The following ZFPM2 variants were observed in gnomAD, a reference collection of about 807,000 sequenced individuals.
ZFPM2 encodes zinc finger protein, FOG family member 2, also known as zinc finger protein ZFPM2.
Under a neutral mutation model 98.6 loss-of-function variants are expected in ZFPM2, and 20 were observed. The observed-to-expected ratio is 0.20, with a 90% confidence interval of 0.14 to 0.29. The LOEUF is 0.29. ZFPM2 is among the 10% of genes least tolerant of loss of function. The pLI, the probability that ZFPM2 is intolerant of heterozygous loss-of-function variation, is 1.00. For missense variants in ZFPM2, 1,310 were observed against 1,388.6 expected, an observed-to-expected ratio of 0.94 and a Z score of 0.90; for synonymous variants, 518 against 502.7, an observed-to-expected ratio of 1.03 and a Z score of -0.41.
At chr8:105,496,956 TG>T (rs1813481051) in intron 3 of ZFPM2, among the ~76,000 whole-genome samples, 1 of 105,834 alleles carries the variant, frequency 9.4e-6, no homozygotes, top group African/African-American at 3.5e-5. Flanking sequence ...CACTCCAGCC[TG>T]GGCAACAAGA....
chr8:105,490,469 T>G (rs2130429666), intron 3 of ZFPM2, among the ~76,000 whole-genome samples: 1 of 152,322 alleles, frequency 6.6e-6, no homozygotes. Flanking sequence ...TAATAGTCCT[T>G]TTTGTTTCTT....
chr8:105,691,505 C>T lies in ZFPM2; in HGVS notation c.532+57148C>T, dbSNP rs888070921. On this transcript the variant is annotated intron_variant, in intron 5 of 7. Transcript: ENST00000407775. Reference sequence around the variant, plus strand: ...CCTCATGATCCACCCGCCTCGGCCTCCCAAAGTGCTGGGATTACAGGCGTG... The same window carrying T: ...CCTCATGATCCACCCGCCTCGGCCTTCCAAAGTGCTGGGATTACAGGCGTG... Among the ~76,000 whole-genome samples the T allele has an allele frequency of 2.5e-5, 3 of 122,162 alleles. 1 individual carries two copies. The highest frequency in any genetic ancestry group is 2.6e-4 in the South Asian group (1 of 3,776). 80.1% of individuals were successfully genotyped at this position (122,162 alleles called of 152,430 possible).
In ZFPM2 at chr8:105,803,635, A is replaced by G; in HGVS notation, c.*97A>G. ...AAGCTGTTTGAATTACATCTGGGCA[A>G]TCAGGAGATAATTCATTATGGCTGA... On this transcript the variant is annotated 3_prime_UTR_variant, in exon 8 of 8. Coordinates refer to ENST00000407775, the MANE Select transcript of ZFPM2 (RefSeq NM_012082.4). 2 of 1,208,798 alleles carry G rather than the reference A, an allele frequency of 1.7e-6. No homozygotes were observed. Among genetic ancestry groups the G allele is most frequent in the East Asian group, 2.6e-5 (1 of 39,124 alleles). The allele number at this position is 1,208,798 out of a possible 1,614,324, so 74.9% of individuals were successfully genotyped here. A position where few individuals can be genotyped will look rare whatever the true frequency, so the allele number is the denominator to read the frequency against.
chr8:105,710,685 GT>G, intron 5 of ZFPM2, among the ~76,000 whole-genome samples: 2 of 151,150 alleles, frequency 1.3e-5, no homozygotes, highest in African/African-American at 4.9e-5. Context: ...GTGTGTGTGT[GT>G]GTGTGTGTGT....
chr8:105,642,249 G>A (rs1032420113), intron 5 of ZFPM2, among the ~76,000 whole-genome samples: 6 of 152,052 alleles, frequency 3.9e-5, no homozygotes, highest in African/African-American at 7.2e-5. Flanking sequence ...GGCAGAATAT[G>A]CGGCTTTGTG....
chr8:105,580,107 A>G (rs1258665655), intron 4 of ZFPM2, among the ~76,000 whole-genome samples: 2 of 151,950 alleles, frequency 1.3e-5, no homozygotes, highest in African/African-American at 2.4e-5. Flanking sequence ...ATTAGTGTGT[A>G]AGGATTTTCT....
chr8:105,612,199 T>C (rs1816321511), intron 4 of ZFPM2, among the ~76,000 whole-genome samples: 1 of 152,140 alleles, frequency 6.6e-6, no homozygotes, highest in Non-Finnish European at 1.5e-5. Context: ...TTCCCAGGGA[T>C]TTATAAACTA....
chr8:105,364,393 G>A (rs1393822365), intron 1 of ZFPM2, among the ~76,000 whole-genome samples: 1 of 151,908 alleles, frequency 6.6e-6, no homozygotes, highest in Non-Finnish European at 1.5e-5. Context: ...ATTAATTATG[G>A]TACTTTTTAT....
chr8:105,515,135 C>T lies in ZFPM2; in HGVS notation c.302-46228C>T, dbSNP rs1813893338. 2.6e-5 allele frequency among the ~76,000 whole-genome samples: 4 copies of T among 152,106 alleles called. No individual in the cohort carries two copies. In the South Asian group the frequency reaches 8.3e-4, roughly 31 times the overall value. ...ACAAAATCTCTTGAACTTTCTGTTA[C>T]AAGAAAAGTTAGAAAGTTACTGGAA... On this transcript the variant is annotated intron_variant, in intron 3 of 7. Transcript: ENST00000407775.
intron 5 of ZFPM2, among the ~76,000 whole-genome samples, chr8:105,722,959 G>T (rs941763321): frequency 1.2e-4 from 18 of 151,956 alleles, no homozygotes; most frequent in African/African-American, 4.3e-4. Flanking sequence ...AACCAAAGTG[G>T]TCTTGAATAA....
chr8:105,403,065 A>T (rs1262519234), intron 1 of ZFPM2, among the ~76,000 whole-genome samples: 1 of 151,952 alleles, frequency 6.6e-6, no homozygotes, highest in East Asian at 1.9e-4. Context: ...AGAAAGGTAG[A>T]CTGGGGGATA....
At chr8:105,450,116 A>G (rs968748135) in intron 3 of ZFPM2, among the ~76,000 whole-genome samples, 25 of 152,128 alleles carry the variant, frequency 1.6e-4, no homozygotes, top group Admixed American at 2.0e-4. Flanking sequence ...AAAATTGGTC[A>G]AGGTATCTGT....
chr8:105,379,333 T>A (rs1328244955), intron 1 of ZFPM2, among the ~76,000 whole-genome samples: 2 of 152,220 alleles, frequency 1.3e-5, no homozygotes, highest in African/African-American at 4.8e-5. Flanking sequence ...AAAAAAAACT[T>A]CATCAATAAT....
chr8:105,673,322 TAGTAAAC>T (rs1400501220), intron 5 of ZFPM2, among the ~76,000 whole-genome samples: 1 of 151,808 alleles, frequency 6.6e-6, no homozygotes, highest in African/African-American at 2.4e-5. Flanking sequence ...ATAAATTTCT[TAGTAAAC>T]AATTAAATTA....
chr8:105,611,539 C>T (rs745831828), intron 4 of ZFPM2, among the ~76,000 whole-genome samples: 61 of 151,872 alleles, frequency 4.0e-4, no homozygotes, highest in Non-Finnish European at 3.4e-4. Context: ...TGAAGAGGCT[C>T]AAAAACTCCA....
At chr8:105,620,153 GTAA>G (rs1816505751) in intron 4 of ZFPM2, among the ~76,000 whole-genome samples, 1 of 152,172 alleles carries the variant, frequency 6.6e-6, no homozygotes, top group Admixed American at 6.5e-5. Flanking sequence ...CACCAACAGT[GTAA>G]AAGTGTTCCT....
At chr8:105,454,923 A>T (rs1812558037) in intron 3 of ZFPM2, among the ~76,000 whole-genome samples, 1 of 152,180 alleles carries the variant, frequency 6.6e-6, no homozygotes, top group Non-Finnish European at 1.5e-5. Flanking sequence ...TCCTGGCATG[A>T]TAAAATGTCA....
intron 4 of ZFPM2, among the ~76,000 whole-genome samples, chr8:105,584,882 A>AAGGT (rs1815679324): frequency 6.6e-6 from 1 of 152,140 alleles, no homozygotes; most frequent in African/African-American, 2.4e-5. Flanking sequence ...TCTGTCTTTA[A>AAGGT]AGGTAGAACG....
intron 5 of ZFPM2, among the ~76,000 whole-genome samples, chr8:105,658,586 C>CAAA (rs773181953): frequency 3.8e-4 from 3 of 7,902 alleles, no homozygotes; most frequent in Admixed American, 1.8e-3. Flanking sequence ...GACTCCGTCT[C>CAAA]AAAAAAAAAA....
Sources: gnomAD v4.1 joint callset for allele counts (sites outside exome capture counted in the v4.1 genomes callset) on GRCh38, gnomAD v4.1.1 for gene constraint, MANE v1.5 for transcripts, NCBI Gene and HGNC (gene_info 2026-07-23, HGNC 2026-07-21) for gene names.